The following HS6ST3 variants were observed in gnomAD, a reference collection of about 807,000 sequenced individuals.
HS6ST3 encodes heparan-sulfate 6-O-sulfotransferase 3.
In HS6ST3, 12 loss-of-function variants were observed where a neutral mutation model predicts 36.7. The ratio of observed to expected loss-of-function variants is 0.33; its 90% CI spans 0.21 to 0.53. The LOEUF is 0.53. Ranked by LOEUF, HS6ST3 falls within the 20% of genes least tolerant of loss-of-function variation. The pLI is 0.95. For missense variants in HS6ST3, 584 were observed against 640.9 expected (o/e 0.91, Z 0.96); for synonymous variants, 240 against 257.5 (o/e 0.93, Z 0.65).
At chr13:96,462,674 T>C (rs2055790749) in intron 1 of HS6ST3, among the ~76,000 whole-genome samples, 1 of 152,194 alleles carries the variant, frequency 6.6e-6, no homozygotes, top group Non-Finnish European at 1.5e-5. Flanking sequence ...AAACTGTCAT[T>C]GTTTAAAGGT....
At chr13:96,264,140 T>A (rs1030561329) in intron 1 of HS6ST3, among the ~76,000 whole-genome samples, 2 of 152,244 alleles carry the variant, frequency 1.3e-5, no homozygotes, top group East Asian at 1.9e-4. Context: ...GCCTATGATT[T>A]TTTTTTTCTG....
chr13:96,706,672 C>G (rs748411906), intron 1 of HS6ST3, among the ~76,000 whole-genome samples: 2 of 151,932 alleles, frequency 1.3e-5, no homozygotes, highest in Non-Finnish European at 2.9e-5. Context: ...TTGCCCCCAA[C>G]AATCCATCGT....
At chr13:96,559,729 T>C (rs749651264) in intron 1 of HS6ST3, among the ~76,000 whole-genome samples, 18 of 152,140 alleles carry the variant, frequency 1.2e-4, no homozygotes, top group Non-Finnish European at 1.9e-4. Flanking sequence ...TATTCTTTTT[T>C]TTTTTTCTTA....
chr13:96,217,324 G>A (rs2054431538), intron 1 of HS6ST3, among the ~76,000 whole-genome samples: 1 of 152,162 alleles, frequency 6.6e-6, no homozygotes, highest in South Asian at 2.1e-4. Flanking sequence ...TGAGAAAACT[G>A]AATCTTAGAG....
intron 1 of HS6ST3, among the ~76,000 whole-genome samples, chr13:96,725,037 G>A (rs1875968403): frequency 6.6e-6 from 1 of 152,132 alleles, no homozygotes; most frequent in Admixed American, 6.5e-5. Context: ...ACTCCGCATT[G>A]TCCCGGACAC....
At chr13:96,175,007 G>T (rs1393101300) in intron 1 of HS6ST3, among the ~76,000 whole-genome samples, 1 of 152,076 alleles carries the variant, frequency 6.6e-6, no homozygotes, top group Non-Finnish European at 1.5e-5. Context: ...AAAAAATTAT[G>T]GCTTTTATTA....
chr13:96,425,444 A>T (rs1390289374), intron 1 of HS6ST3, among the ~76,000 whole-genome samples: 3 of 152,324 alleles, frequency 2.0e-5, no homozygotes, highest in Non-Finnish European at 4.4e-5. Flanking sequence ...AAAGAAGTTC[A>T]TACACAGGCT....
At chr13:96,204,250 CAAAG>C (rs1168858548) in intron 1 of HS6ST3, among the ~76,000 whole-genome samples, 8 of 152,056 alleles carry the variant, frequency 5.3e-5, no homozygotes, top group Admixed American at 2.0e-4. Flanking sequence ...TCAAAACAGA[CAAAG>C]AAGAGCATAA....
chr13:96,719,044 A>G (rs1325925408), intron 1 of HS6ST3, among the ~76,000 whole-genome samples: 1 of 152,104 alleles, frequency 6.6e-6, no homozygotes, highest in Non-Finnish European at 1.5e-5. Context: ...GGAGGCCAAG[A>G]CAGGCAGATC....
In HS6ST3 at chr13:96,090,685, C is replaced by A. The variant is rs2053756639; in HGVS notation, c.-178C>A. Among the ~76,000 whole-genome samples the A allele has an allele frequency of 6.8e-6, 1 of 147,974 alleles. No individual in the cohort carries two copies. Among genetic ancestry groups the A allele is most frequent in the African/African-American group, 2.4e-5 (1 of 40,930 alleles). The stretch of plus-strand genomic sequence containing the variant: ...CCCCCGCCCGGCTCGCAGGCCCCGG[C>A]TCCTCAAGCCCCGAGGGCCGCGGGG... On this transcript the variant is annotated 5_prime_UTR_variant, in exon 1 of 2. Coordinates refer to ENST00000376705, the MANE Select transcript of HS6ST3 (RefSeq NM_153456.4).
intron 1 of HS6ST3, among the ~76,000 whole-genome samples, chr13:96,625,731 T>C (rs1322940895): frequency 6.6e-6 from 1 of 152,096 alleles, no homozygotes; most frequent in African/African-American, 2.4e-5. Flanking sequence ...TATTTATATA[T>C]TGTGGGTTCT....
At position 96,305,716 on chromosome 13, in the gene HS6ST3, A is replaced by G. The variant is rs530057548; in HGVS notation, c.707+214147A>G. On this transcript the variant is annotated intron_variant, in intron 1 of 1. Transcript: ENST00000376705. Reference sequence around the variant, plus strand: ...ATTAGCTATTTTTACTGCAATTTACATGTGTCCCACAGTAATATACATAAT... The same window carrying G: ...ATTAGCTATTTTTACTGCAATTTACGTGTGTCCCACAGTAATATACATAAT... Among the ~76,000 whole-genome samples, 71 of 152,330 alleles carry G rather than the reference A, an allele frequency of 4.7e-4. 1 individual carries two copies. The highest frequency in any genetic ancestry group is 1.7e-3 in the African/African-American group (71 of 41,584).
chr13:96,464,858 T>C (rs1225734504), intron 1 of HS6ST3, among the ~76,000 whole-genome samples: 2 of 151,990 alleles, frequency 1.3e-5, no homozygotes, highest in Admixed American at 6.6e-5. Context: ...CCAGAGAAGC[T>C]TCTTATATTT....
chr13:96,185,795 C>T (rs1029373768), intron 1 of HS6ST3, among the ~76,000 whole-genome samples: 1 of 152,132 alleles, frequency 6.6e-6, no homozygotes, highest in Non-Finnish European at 1.5e-5. Flanking sequence ...AATACTTCAA[C>T]GTTCGGAATT....
In HS6ST3 at chr13:96,381,402, G is replaced by GTATCTATCTATCTATC. The variant is rs1278427681; in HGVS notation, c.707+289840_707+289841insCTATCTATCTATCTAT. Among the ~76,000 whole-genome samples the GTATCTATCTATCTATC allele has an allele frequency of 2.4e-4, 13 of 54,708 alleles. 1 individual carries two copies. Among genetic ancestry groups the GTATCTATCTATCTATC allele is most frequent in the African/African-American group, 4.9e-4 (10 of 20,544 alleles). 35.9% of individuals were successfully genotyped at this position (54,708 alleles called of 152,430 possible). On this transcript the variant is annotated intron_variant, in intron 1 of 1. Coordinates refer to ENST00000376705, the MANE Select transcript of HS6ST3 (RefSeq NM_153456.4). ...TCTATCTATGTATCTATGTATCTAT[G>GTATCTATCTATCTATC]TATCTATGTATCTATCTATCTATCT...
chr13:96,126,769 C>T (rs1389283278), intron 1 of HS6ST3, among the ~76,000 whole-genome samples: 1 of 152,160 alleles, frequency 6.6e-6, no homozygotes, highest in Non-Finnish European at 1.5e-5. Flanking sequence ...CTCCACAACC[C>T]TGTTGGAGGA....
intron 1 of HS6ST3, among the ~76,000 whole-genome samples, chr13:96,445,654 G>T (rs1215237824): frequency 6.6e-6 from 1 of 150,860 alleles, no homozygotes; most frequent in African/African-American, 2.4e-5. Context: ...AACACTTGAG[G>T]CCAGGAGTTC....
chr13:96,100,551 C>G (rs186430216), intron 1 of HS6ST3, among the ~76,000 whole-genome samples: 54 of 152,248 alleles, frequency 3.5e-4, no homozygotes, highest in Non-Finnish European at 6.2e-4. Flanking sequence ...GACAGGAGCT[C>G]CAGTTTCAGT....
At chr13:96,374,091 AAG>A (rs1301079836) in intron 1 of HS6ST3, among the ~76,000 whole-genome samples, 1 of 152,160 alleles carries the variant, frequency 6.6e-6, no homozygotes, top group Non-Finnish European at 1.5e-5. Flanking sequence ...TCTTTCCAGA[AAG>A]AGAGTGCCTG....
Sources: gnomAD v4.1 joint callset for allele counts (sites outside exome capture counted in the v4.1 genomes callset) on GRCh38, gnomAD v4.1.1 for gene constraint, MANE v1.5 for transcripts, NCBI Gene and HGNC (gene_info 2026-07-23, HGNC 2026-07-21) for gene names.